Variants in SULF1 observed in about 807,000 individuals in gnomAD.
The protein encoded by SULF1 is sulfatase 1, also known as extracellular sulfatase Sulf-1.
In SULF1, 46 loss-of-function variants were observed where a neutral mutation model predicts 110.5. The observed-to-expected ratio is 0.42, with a 90% confidence interval of 0.33 to 0.53. The LOEUF (loss-of-function observed/expected upper bound fraction) is 0.53. SULF1 is among the 20% of genes least tolerant of loss of function. SULF1 has a pLI of 0.12. For synonymous variants in SULF1, 371 were observed against 387.1 expected (o/e 0.96, Z 0.49); for missense variants, 941 against 1,094.2 (o/e 0.86, Z 1.98).
intron 13 of SULF1, among the ~76,000 whole-genome samples, chr8:69,617,930 C>G (rs1408756512): frequency 6.6e-6 from 1 of 152,158 alleles, no homozygotes; most frequent in African/African-American, 2.4e-5. Context: ...ACCAATTACA[C>G]GCATCCCTCT....
Position 69,640,855 on chromosome 8 carries a change from TTTA to T in SULF1, c.2585+17_2585+19del, listed in dbSNP as rs772893154. ...TGACCTACACAGGTATTCACACTTT[TTTA>T]TTCTTCTCAACAGCTTCTTCCCCAA... On this transcript the variant is annotated intron_variant, in intron 22 of 22. Transcript: ENST00000402687. 5 of 1,607,630 alleles carry T rather than the reference TTTA, an allele frequency of 3.1e-6. No homozygotes were observed. In the East Asian group the frequency reaches 1.1e-4, roughly 36 times the overall value.
chr8:69,489,571 C>CTTT (rs61391745), upstream of SULF1, among the ~76,000 whole-genome samples: 335 of 91,960 alleles, frequency 3.6e-3, 1 homozygote, highest in African/African-American at 7.4e-3. Context: ...CTTTCTTTCT[C>CTTT]TTTTTTTTTT....
intron 18 of SULF1, among the ~76,000 whole-genome samples, chr8:69,628,597 G>A (rs1810280228): frequency 6.6e-6 from 1 of 152,130 alleles, no homozygotes; most frequent in African/African-American, 2.4e-5. Context: ...GAGCAGCCTG[G>A]AATAGTGCTG....
intron 19 of SULF1, 36 bp from the exon 20 acceptor site, chr8:69,638,451 AAGGTTTTTCACTCTT>A: frequency 1.9e-6 from 3 of 1,589,590 alleles, no homozygotes; most frequent in Non-Finnish European, 1.7e-6. Context: ...AAGCCTGCCT[AAGGTTTTTCACTCTT>A]TTTGTTTTGT....
chr8:69,603,796 G>C (rs570742575), intron 12 of SULF1, 140 bp downstream of exon 12: 1 of 678,968 alleles, frequency 1.5e-6, no homozygotes, highest in South Asian at 1.7e-5. Context: ...ATGGTTTGCT[G>C]CTTATTCTGT....
At chr8:69,535,383 A>G (rs1813366460) in intron 3 of SULF1, among the ~76,000 whole-genome samples, 1 of 152,176 alleles carries the variant, frequency 6.6e-6, no homozygotes, top group Admixed American at 6.5e-5. Flanking sequence ...CCTTTAAAAC[A>G]ATCACTCTTG....
At chr8:69,543,673 T>A (rs1444299953) in intron 3 of SULF1, among the ~76,000 whole-genome samples, 2 of 152,240 alleles carry the variant, frequency 1.3e-5, no homozygotes, top group South Asian at 2.1e-4. Flanking sequence ...CTGATTTTTT[T>A]AATCATCTGT....
intron 3 of SULF1, among the ~76,000 whole-genome samples, chr8:69,545,367 G>T (rs1410834592): frequency 3.3e-5 from 5 of 152,104 alleles, no homozygotes; most frequent in Admixed American, 2.6e-4. Context: ...AAAAACAGTA[G>T]GGTTAGTTAG....
Position 69,547,185 on chromosome 8 carries a change from T to A in SULF1, c.-133-16354T>A, listed in dbSNP as rs113943326. ...CTCAAGCTACTGTGGCAGGAGGAGG[T>A]GGGGTGGGGTGGGGGAGGACTAATA... On this transcript the variant is annotated intron_variant, in intron 3 of 22. Transcript: ENST00000402687. Among the ~76,000 whole-genome samples, 498 of 145,114 alleles carry A rather than the reference T, an allele frequency of 3.4e-3. 5 individuals are homozygous for A. The highest frequency in any genetic ancestry group is 0.012 in the African/African-American group (468 of 40,170).
At chr8:69,554,995 A>C (rs1401885897) in intron 3 of SULF1, among the ~76,000 whole-genome samples, 4 of 87,080 alleles carry the variant, frequency 4.6e-5, no homozygotes, top group East Asian at 3.3e-4. Context: ...AAAAAAAAAA[A>C]AAACAAAAAA....
intron 3 of SULF1, among the ~76,000 whole-genome samples, chr8:69,562,103 A>G (rs190056273): frequency 6.6e-6 from 1 of 152,356 alleles, no homozygotes; most frequent in African/African-American, 2.4e-5. Flanking sequence ...TGCAGACACT[A>G]GAGTTTTGTT....
At chr8:69,597,947 T>C (rs1298018574) in intron 8 of SULF1, among the ~76,000 whole-genome samples, 7 of 152,188 alleles carry the variant, frequency 4.6e-5, no homozygotes, top group African/African-American at 7.2e-5. Flanking sequence ...AAAACCCTTT[T>C]TGAGGGGATT....
rs1811413048 is a variant in SULF1 at position 69,640,725 on chromosome 8, T to A, written c.2552-83T>A. The A allele has an allele frequency of 6.0e-6, 7 of 1,166,984 alleles. No individual in the cohort carries two copies. The South Asian group carries it at 9.0e-5, about 15-fold the overall frequency. 72.3% of individuals were successfully genotyped at this position (1,166,984 alleles called of 1,614,324 possible). ...CATGTGTTTCTTTCTAGGATTTAGA[T>A]GTTGTGCATGAAAAACTATATAGTG... On this transcript the variant is annotated intron_variant, in intron 21 of 22. Coordinates refer to ENST00000402687, the MANE Select transcript of SULF1 (RefSeq NM_001128205.2).
At chr8:69,587,941 G>C (rs1586480807) in intron 7 of SULF1, among the ~76,000 whole-genome samples, 1 of 152,166 alleles carries the variant, frequency 6.6e-6, no homozygotes, top group African/African-American at 2.4e-5. Flanking sequence ...AGAGGAAGGG[G>C]ATAGCCTGTA....
chr8:69,490,073 A>G (rs1809866501), upstream of SULF1, among the ~76,000 whole-genome samples: 1 of 145,926 alleles, frequency 6.9e-6, no homozygotes, highest in Admixed American at 6.8e-5. Flanking sequence ...AAGGCATTTT[A>G]TCTTCTGGAT....
chr8:69,595,864 T>C lies in SULF1; in HGVS notation c.735-4739T>C, dbSNP rs77405446. On this transcript the variant is annotated intron_variant, in intron 8 of 22. Transcript: ENST00000402687. ...CAATTCCCCAGGTATAGATTTAATATACAACACATGCATCTCTTGAAACTC... is the reference window on the plus strand; with the variant it reads ...CAATTCCCCAGGTATAGATTTAATACACAACACATGCATCTCTTGAAACTC... 3.8e-4 allele frequency among the ~76,000 whole-genome samples: 58 copies of C among 152,342 alleles called. No individual in the cohort carries two copies. In the East Asian group the frequency reaches 0.01, roughly 27 times the overall value.
rs533752149 is a variant in SULF1, at chr8:69,510,911, C to T, written c.-134+8943C>T. 3.3e-5 allele frequency among the ~76,000 whole-genome samples: 5 copies of T among 150,932 alleles called. No homozygotes were observed. In the East Asian group the frequency reaches 9.8e-4, roughly 30 times the overall value. On this transcript the variant is annotated intron_variant, in intron 3 of 22. Coordinates refer to ENST00000402687, the MANE Select transcript of SULF1 (RefSeq NM_001128205.2). The stretch of plus-strand genomic sequence containing the variant: ...GGATTACAGGCGTGAACCACCATGC[C>T]CAGCCTGATAATAATGTTAGTCCAT...
intron 22 of SULF1, among the ~76,000 whole-genome samples, chr8:69,643,951 T>C (rs915151466): frequency 1.3e-5 from 2 of 152,186 alleles, no homozygotes; most frequent in East Asian, 3.9e-4. Context: ...CTGCTGCCCT[T>C]TGATGGCCAA....
intron 1 of SULF1, among the ~76,000 whole-genome samples, chr8:69,493,448 TACACACAC>T (rs56867664): frequency 0.017 from 2,431 of 144,346 alleles, 46 homozygotes; most frequent in African/African-American, 0.036. Context: ...CACACAACAC[TACACACAC>T]ACACACACAC....
Sources: gnomAD v4.1 joint callset for allele counts (sites outside exome capture counted in the v4.1 genomes callset) on GRCh38, gnomAD v4.1.1 for gene constraint, MANE v1.5 for transcripts, NCBI Gene and HGNC (gene_info 2026-07-23, HGNC 2026-07-21) for gene names.